The following ST6GALNAC3 variants were observed in gnomAD, a reference collection of about 807,000 sequenced individuals.
ST6GALNAC3 encodes alpha-N-acetylgalactosaminide alpha-2,6-sialyltransferase 3.
Under a neutral mutation model 32.7 loss-of-function variants are expected in ST6GALNAC3, and 25 were observed. That is an observed-to-expected ratio of 0.76 (90% confidence interval 0.56 to 1.07). ST6GALNAC3 has a LOEUF of 1.07. Ranked by LOEUF, ST6GALNAC3 falls within the 50% of genes least tolerant of loss-of-function variation. ST6GALNAC3 has a pLI of 0.00. For missense variants in ST6GALNAC3, 355 were observed against 382.4 expected, an observed-to-expected ratio of 0.93 and a Z score of 0.60; for synonymous variants, 129 against 133.1, an observed-to-expected ratio of 0.97 and a Z score of 0.21.
intron 1 of ST6GALNAC3, among the ~76,000 whole-genome samples, chr1:76,127,311 T>G (rs1192178812): frequency 6.6e-6 from 1 of 152,176 alleles, no homozygotes; most frequent in Admixed American, 6.5e-5. Flanking sequence ...GCATTTTAAT[T>G]GGCAGCAGAG....
At chr1:76,303,730 T>C (rs1432203353) in intron 1 of ST6GALNAC3, among the ~76,000 whole-genome samples, 1 of 152,088 alleles carries the variant, frequency 6.6e-6, no homozygotes, top group Non-Finnish European at 1.5e-5. Flanking sequence ...CTAAAAAATA[T>C]GGATTCTTGT....
chr1:76,088,619 A>T (rs527956440), intron 1 of ST6GALNAC3, among the ~76,000 whole-genome samples: 3 of 152,158 alleles, frequency 2.0e-5, no homozygotes, highest in Admixed American at 1.3e-4. Flanking sequence ...TCAATCACTC[A>T]TCTCTCTAGA....
intron 3 of ST6GALNAC3, among the ~76,000 whole-genome samples, chr1:76,423,693 T>C (rs1655180076): frequency 1.3e-5 from 2 of 152,028 alleles, no homozygotes; most frequent in South Asian, 2.1e-4. Context: ...ACTAGATAAC[T>C]CATGCAAAGG....
intron 1 of ST6GALNAC3, among the ~76,000 whole-genome samples, chr1:76,288,752 G>T (rs1438874313): frequency 1.3e-5 from 2 of 152,170 alleles, no homozygotes; most frequent in Non-Finnish European, 2.9e-5. Context: ...CATGTGCAGA[G>T]ATGTGAGCAG....
intron 1 of ST6GALNAC3, among the ~76,000 whole-genome samples, chr1:76,088,631 A>G (rs1338450379): frequency 2.6e-5 from 4 of 152,150 alleles, no homozygotes; most frequent in Non-Finnish European, 4.4e-5. Context: ...CTCTCTAGAT[A>G]AGGCCACAGA....
At chr1:76,603,862 TG>T (rs1352793160) in intron 3 of ST6GALNAC3, among the ~76,000 whole-genome samples, 10 of 152,142 alleles carry the variant, frequency 6.6e-5, no homozygotes, top group Admixed American at 6.6e-5. Context: ...TATTATTCTA[TG>T]GGCCTATGAA....
chr1:76,155,507 G>A (rs765935952), intron 1 of ST6GALNAC3, among the ~76,000 whole-genome samples: 17 of 151,822 alleles, frequency 1.1e-4, no homozygotes, highest in Non-Finnish European at 2.4e-4. Flanking sequence ...AGTCTCTGTC[G>A]TCCAGGCTGG....
chr1:76,140,176 T>C (rs1216989483), intron 1 of ST6GALNAC3, among the ~76,000 whole-genome samples: 1 of 152,160 alleles, frequency 6.6e-6, no homozygotes, highest in African/African-American at 2.4e-5. Flanking sequence ...TTTTTTTTGG[T>C]GAAAGAGATT....
chr1:76,597,694 T>C (rs1438319865), intron 3 of ST6GALNAC3, among the ~76,000 whole-genome samples: 1 of 152,124 alleles, frequency 6.6e-6, no homozygotes, highest in Non-Finnish European at 1.5e-5. Flanking sequence ...CACTTCTAGG[T>C]GGCTTTTGAA....
At chr1:76,462,722 AT>A (rs1658364486) in intron 3 of ST6GALNAC3, among the ~76,000 whole-genome samples, 1 of 152,170 alleles carries the variant, frequency 6.6e-6, no homozygotes, top group African/African-American at 2.4e-5. Context: ...TAGACACAGT[AT>A]TTGTTTAAGA....
chr1:76,215,425 G>T (rs905979456), intron 1 of ST6GALNAC3, among the ~76,000 whole-genome samples: 4 of 152,266 alleles, frequency 2.6e-5, no homozygotes, highest in Middle Eastern at 6.8e-3. Context: ...AATGCCAATG[G>T]CTGGGTTATT....
At chr1:76,368,137 C>G (rs920959871) in intron 2 of ST6GALNAC3, among the ~76,000 whole-genome samples, 16 of 152,064 alleles carry the variant, frequency 1.1e-4, no homozygotes, top group African/African-American at 3.9e-4. Context: ...GGCAAATATT[C>G]TAGGTTTCAT....
chr1:76,590,018 T>G (rs1647023124), intron 3 of ST6GALNAC3, among the ~76,000 whole-genome samples: 1 of 152,248 alleles, frequency 6.6e-6, no homozygotes, highest in South Asian at 2.1e-4. Context: ...GGGATGCATC[T>G]TAATTAATTC....
At chr1:76,133,394 A>G (rs569384413) in intron 1 of ST6GALNAC3, among the ~76,000 whole-genome samples, 1 of 152,300 alleles carries the variant, frequency 6.6e-6, no homozygotes, top group African/African-American at 2.4e-5. Flanking sequence ...TTGTTGAGCC[A>G]TCGGTGTATC....
chr1:76,452,739 CT>C (rs1252980584), intron 3 of ST6GALNAC3, among the ~76,000 whole-genome samples: 3 of 151,830 alleles, frequency 2.0e-5, no homozygotes, highest in East Asian at 1.9e-4. Flanking sequence ...CTGTGGTTTT[CT>C]TTTTTTTGTT....
At chr1:76,554,514 CTCT>C (rs138536848) in intron 3 of ST6GALNAC3, among the ~76,000 whole-genome samples, 108,729 of 151,640 alleles carry the variant, frequency 0.72, 40,268 homozygotes, top group East Asian at 0.93. Flanking sequence ...GGGACAGAGG[CTCT>C]TCTTTCCCTG....
At chr1:76,256,015 AAC>A (rs10635688) in intron 1 of ST6GALNAC3, among the ~76,000 whole-genome samples, 97 of 148,214 alleles carry the variant, frequency 6.5e-4, no homozygotes, top group South Asian at 1.3e-3. Context: ...TGTCAGTGGT[AAC>A]ACACACACAC....
intron 1 of ST6GALNAC3, among the ~76,000 whole-genome samples, chr1:76,215,254 A>G (rs1447453533): frequency 6.6e-6 from 1 of 152,250 alleles, no homozygotes; most frequent in East Asian, 1.9e-4. Context: ...GAAAACTGCA[A>G]CAGTAATTGA....
chr1:76,413,002 A>G (rs75189023), intron 3 of ST6GALNAC3: 302 of 354,566 alleles, frequency 8.5e-4, no homozygotes, highest in Non-Finnish European at 1.3e-3. Flanking sequence ...TAAAGAAATG[A>G]GGTATAAATA....
Sources: allele counts gnomAD v4.1 joint callset (sites outside exome capture counted in the v4.1 genomes callset), GRCh38; gene constraint gnomAD v4.1.1; transcripts MANE v1.5; gene names NCBI Gene and HGNC (gene_info 2026-07-23, HGNC 2026-07-21).